The following INPP4B variants were observed in gnomAD, a reference collection of about 807,000 sequenced individuals.
INPP4B encodes inositol polyphosphate 4-phosphatase type II.
INPP4B carries 55 observed loss-of-function variants against 122.5 expected under a neutral mutation model. That is an observed-to-expected ratio of 0.45 (90% CI 0.36 to 0.56). The LOEUF is 0.56. Among genes scored for constraint, INPP4B ranks in the 20% least tolerant of loss-of-function variants. The pLI, the probability that INPP4B is intolerant of heterozygous loss-of-function variation, is 0.00. For missense variants in INPP4B, 1,000 were observed against 1,097.7 expected, an observed-to-expected ratio of 0.91 and a Z score of 1.26; for synonymous variants, 403 against 388.7, an observed-to-expected ratio of 1.04 and a Z score of -0.43.
chr4:142,843,779 G>A (rs1409853662), intron 1 of INPP4B, among the ~76,000 whole-genome samples: 1 of 152,022 alleles, frequency 6.6e-6, no homozygotes, highest in Admixed American at 6.6e-5. Context: ...AGATCAGTTA[G>A]CAGGTTTTTT....
At chr4:142,180,400 C>T (rs1830246287) in intron 15 of INPP4B, among the ~76,000 whole-genome samples, 2 of 151,956 alleles carry the variant, frequency 1.3e-5, no homozygotes, top group Non-Finnish European at 1.5e-5. Flanking sequence ...TAAGAGAGTG[C>T]CTAATAAAGC....
In INPP4B at chr4:142,231,209, C is replaced by T. The variant is rs114375543; in HGVS notation, c.836+6655G>A. ...TTTTTGATGGCAGCTGCAGGCAAGA[C>T]AGACACTATGTGCAAGTGATGCAAA... On this transcript the variant is annotated intron_variant, in intron 12 of 25. Transcript: ENST00000262992. Among the ~76,000 whole-genome samples, 744 of 152,342 alleles carry T rather than the reference C, an allele frequency of 4.9e-3. 10 individuals are homozygous for T. The highest frequency in any genetic ancestry group is 0.017 in the African/African-American group (710 of 41,572).
chr4:142,818,150 G>A (rs147226312), intron 1 of INPP4B, among the ~76,000 whole-genome samples: 4 of 152,164 alleles, frequency 2.6e-5, no homozygotes, highest in Non-Finnish European at 5.9e-5. Flanking sequence ...TCTTGGCATC[G>A]TATGAAAAAG....
intron 2 of INPP4B, among the ~76,000 whole-genome samples, chr4:142,526,835 G>A (rs1826978640): frequency 7.5e-6 from 1 of 132,696 alleles, no homozygotes; most frequent in South Asian, 2.7e-4. Context: ...GTAAAAAGCA[G>A]GCCAATAAAA....
intron 7 of INPP4B, among the ~76,000 whole-genome samples, chr4:142,350,408 T>A (rs1781588350): frequency 6.6e-6 from 1 of 151,966 alleles, no homozygotes; most frequent in African/African-American, 2.4e-5. Flanking sequence ...CTTCCAATTA[T>A]TTTCTTTGGT....
chr4:142,026,994 G>A lies in INPP4B; in HGVS notation c.*1788C>T, dbSNP rs1737208821. 1 of 151,980 alleles carries A rather than the reference G, an allele frequency of 6.6e-6. No individual in the cohort carries two copies. Among genetic ancestry groups the A allele is most frequent in the East Asian group, 1.9e-4 (1 of 5,168 alleles). 9.4% of individuals were successfully genotyped at this position (151,980 alleles called of 1,614,324 possible). ...CCTATCTTAAATCTAATAGGGTAAT[G>A]AAAATAACCACAAATCCTACCATTT... On this transcript the variant is annotated 3_prime_UTR_variant, in exon 26 of 26. Coordinates refer to ENST00000262992, the MANE Select transcript of INPP4B (RefSeq NM_001101669.3).
Position 142,251,230 on chromosome 4 carries a change from G to T in INPP4B, c.688+9262C>A, listed in dbSNP as rs566485409. Reference sequence around the variant, plus strand: ...TTTTTGTGCATATAAAAAAGTTACGGGGTTCACATAAGTCAGTCATTAAAA... The same window carrying T: ...TTTTTGTGCATATAAAAAAGTTACGTGGTTCACATAAGTCAGTCATTAAAA... On this transcript the variant is annotated intron_variant, in intron 11 of 25. Transcript: ENST00000262992. Among the ~76,000 whole-genome samples, 8 of 152,062 alleles carry T rather than the reference G, an allele frequency of 5.3e-5. No individual in the cohort carries two copies. The East Asian group carries it at 1.5e-3, about 29-fold the overall frequency.
chr4:142,520,221 A>G (rs1213049354), intron 2 of INPP4B, among the ~76,000 whole-genome samples: 2 of 152,032 alleles, frequency 1.3e-5, no homozygotes, highest in Admixed American at 6.6e-5. Flanking sequence ...CCTTCAACAA[A>G]TAGCAGCATA....
chr4:142,645,148 A>G (rs887995749), intron 2 of INPP4B, among the ~76,000 whole-genome samples: 3 of 152,204 alleles, frequency 2.0e-5, no homozygotes, highest in African/African-American at 7.2e-5. Flanking sequence ...CACAATTTAA[A>G]CAATACAAAA....
intron 17 of INPP4B, among the ~76,000 whole-genome samples, chr4:142,155,502 A>G (rs758550517): frequency 6.6e-6 from 1 of 152,126 alleles, no homozygotes; most frequent in Non-Finnish European, 1.5e-5. Context: ...ACTGCTACCA[A>G]TTATGGTAGT....
At chr4:142,229,729 C>G (rs191302948) in intron 12 of INPP4B, among the ~76,000 whole-genome samples, 1 of 152,030 alleles carries the variant, frequency 6.6e-6, no homozygotes, top group Admixed American at 6.6e-5. Context: ...ATCGGTCATC[C>G]CATAATAGAA....
chr4:142,613,288 G>A lies in INPP4B; in HGVS notation c.-191+112551C>T, dbSNP rs746710733. On this transcript the variant is annotated intron_variant, in intron 2 of 25. Transcript: ENST00000262992. ...CTGCAATATGCAGCTGAACATAAGCGAAACTGATACATATAGATTTGTGAG... is the reference window on the plus strand; with the variant it reads ...CTGCAATATGCAGCTGAACATAAGCAAAACTGATACATATAGATTTGTGAG... Among the ~76,000 whole-genome samples, 42 of 152,258 alleles carry A rather than the reference G, an allele frequency of 2.8e-4. 1 individual carries two copies. Among genetic ancestry groups the A allele is most frequent in the Admixed American group, 1.9e-3 (29 of 15,284 alleles).
intron 2 of INPP4B, among the ~76,000 whole-genome samples, chr4:142,585,183 G>C (rs1735901883): frequency 6.6e-6 from 1 of 152,152 alleles, no homozygotes; most frequent in African/African-American, 2.4e-5. Flanking sequence ...TGCATTCACT[G>C]TCTTAGCCCT....
chr4:142,819,085 C>T (rs1218335711), intron 1 of INPP4B, among the ~76,000 whole-genome samples: 3 of 152,060 alleles, frequency 2.0e-5, no homozygotes, highest in Non-Finnish European at 4.4e-5. Context: ...TAGTATTTAC[C>T]CTAGAAGGAA....
At chr4:142,411,106 G>A (rs926141020) in intron 5 of INPP4B, among the ~76,000 whole-genome samples, 14 of 152,124 alleles carry the variant, frequency 9.2e-5, no homozygotes, top group African/African-American at 1.4e-4. Context: ...ACTTGCACTT[G>A]TAATTTTCAC....
At chr4:142,766,045 C>T (rs1423295438) in intron 1 of INPP4B, 2 of 152,006 alleles carry the variant, frequency 1.3e-5, no homozygotes, top group Non-Finnish European at 2.9e-5. Flanking sequence ...ACTTATAGAA[C>T]AGTCCAGAGC....
intron 2 of INPP4B, among the ~76,000 whole-genome samples, chr4:142,528,126 G>A (rs141758422): frequency 5.8e-4 from 89 of 152,138 alleles, no homozygotes; most frequent in Non-Finnish European, 1.1e-3. Flanking sequence ...TTGAAAGTAT[G>A]TATAAAGTAT....
At chr4:142,582,821 A>T (rs1735382354) in intron 2 of INPP4B, among the ~76,000 whole-genome samples, 1 of 152,164 alleles carries the variant, frequency 6.6e-6, no homozygotes, top group Admixed American at 6.6e-5. Flanking sequence ...AACTGCCCCC[A>T]TAAGTTCCCT....
intron 7 of INPP4B, among the ~76,000 whole-genome samples, chr4:142,330,528 TGCACACAC>T: frequency 6.6e-6 from 1 of 152,274 alleles, no homozygotes; most frequent in African/African-American, 2.4e-5. Context: ...CACGCATATG[TGCACACAC>T]GCACACACAT....
Sources: allele counts gnomAD v4.1 joint callset (sites outside exome capture counted in the v4.1 genomes callset), GRCh38; gene constraint gnomAD v4.1.1; transcripts MANE v1.5; gene names NCBI Gene and HGNC (gene_info 2026-07-23, HGNC 2026-07-21).